The following MSANTD7 variants were observed in gnomAD, a reference collection of about 807,000 sequenced individuals.
MSANTD7 encodes the protein zinc finger and SCAN domain containing 29.
chr10:14,838,314 C>T, the MSANTD7 span: 1 of 1,344,064 alleles, frequency 7.4e-7, no homozygotes, highest in Non-Finnish European at 1.0e-6. Flanking sequence ...ACGTGAAGCT[C>T]CGCGGTGCCT....
the MSANTD7 span, chr10:14,838,719 G>T: frequency 2.1e-6 from 1 of 476,768 alleles, no homozygotes; most frequent in Non-Finnish European, 3.7e-6. Flanking sequence ...GCGGCGGGAT[G>T]CCCGGAGGGG....
the MSANTD7 span, chr10:14,842,457 C>T: frequency 6.5e-7 from 1 of 1,536,182 alleles, no homozygotes; most frequent in Non-Finnish European, 8.7e-7. The surrounding 1 kb of genome is among the most constrained non-coding windows in gnomAD (Gnocchi z 5.2). Context: ...TTCCGCCGCA[C>T]CGAACGTCAG....
the MSANTD7 span, among the ~76,000 whole-genome samples, chr10:14,839,565 C>T: frequency 6.8e-6 from 1 of 146,528 alleles, no homozygotes; most frequent in African/African-American, 2.5e-5. Flanking sequence ...AGCAAGACTC[C>T]GTGTCCAAAA....
chr10:14,839,573 A>G, the MSANTD7 span, among the ~76,000 whole-genome samples: 1 of 146,322 alleles, frequency 6.8e-6, no homozygotes, highest in Non-Finnish European at 1.5e-5. Flanking sequence ...TCCGTGTCCA[A>G]AAAAAAAAAA....
At chr10:14,841,119 T>TA in the MSANTD7 span, 1 of 152,346 alleles carries the variant, frequency 6.6e-6, no homozygotes, top group African/African-American at 2.4e-5. Context: ...TTCTGTCTCT[T>TA]ACCTGTGTTC....
the MSANTD7 span, chr10:14,838,421 C>A: frequency 1.2e-6 from 2 of 1,606,188 alleles, no homozygotes; most frequent in Admixed American, 1.7e-5. Flanking sequence ...CATCGGAGTT[C>A]ACCTGGGCTG....
chr10:14,845,623 T>C, the MSANTD7 span: 1 of 811,474 alleles, frequency 1.2e-6, no homozygotes, highest in African/African-American at 1.9e-5. Context: ...AGAAAAAGTC[T>C]CACTGTTTTG....
chr10:14,840,267 T>G, the MSANTD7 span: 1 of 452,282 alleles, frequency 2.2e-6, no homozygotes, highest in East Asian at 4.3e-5. Flanking sequence ...TTCATTGCTT[T>G]TTATGACTGA....
the MSANTD7 span, chr10:14,844,007 C>A: frequency 6.9e-7 from 1 of 1,459,826 alleles, no homozygotes; most frequent in Non-Finnish European, 9.0e-7. Context: ...ATGGATGAAC[C>A]ATTTATATCC....
chr10:14,845,658 A>G, the MSANTD7 span: 3 of 471,020 alleles, frequency 6.4e-6, no homozygotes, highest in Non-Finnish European at 8.3e-6. Flanking sequence ...CAGTGGTGCA[A>G]TCTTGGCTCA....
At chr10:14,838,927 G>A in the MSANTD7 span, among the ~76,000 whole-genome samples, 1 of 152,202 alleles carries the variant, frequency 6.6e-6, no homozygotes, top group African/African-American at 2.4e-5. Context: ...GAGGTCCTGG[G>A]AAAGTTGTGG....
At chr10:14,846,872 A>G in the MSANTD7 span, 3 of 985,300 alleles carry the variant, frequency 3.0e-6, no homozygotes, top group Non-Finnish European at 3.6e-6. Flanking sequence ...GTGATACACA[A>G]CCATAGGATT....
At chr10:14,840,851 C>T in the MSANTD7 span, among the ~76,000 whole-genome samples, 1 of 152,174 alleles carries the variant, frequency 6.6e-6, no homozygotes, top group African/African-American at 2.4e-5. Context: ...ATTCTCTCAA[C>T]ATCCTTGTAA....
At chr10:14,840,891 A>G in the MSANTD7 span, among the ~76,000 whole-genome samples, 1 of 152,176 alleles carries the variant, frequency 6.6e-6, no homozygotes. Context: ...ATCATTCCCC[A>G]TTTATAGATG....
chr10:14,844,469 C>G, the MSANTD7 span: 1 of 990,918 alleles, frequency 1.0e-6, no homozygotes, highest in South Asian at 4.5e-5. Context: ...TTTTAAAATC[C>G]CTGTGTGGCT....
chr10:14,840,069 T>A, the MSANTD7 span: 1 of 1,339,088 alleles, frequency 7.5e-7, no homozygotes, highest in Admixed American at 2.4e-5. Flanking sequence ...TTATTTTTTT[T>A]TTCAGATTGT....
At chr10:14,839,936 C>T in the MSANTD7 span, 1 of 1,612,474 alleles carries the variant, frequency 6.2e-7, no homozygotes, top group Admixed American at 1.7e-5. Context: ...GCAAATGATG[C>T]CGGTGACCGA....
At chr10:14,844,657 C>T in the MSANTD7 span, 1 of 982,186 alleles carries the variant, frequency 1.0e-6, no homozygotes, top group Non-Finnish European at 1.2e-6. Flanking sequence ...AGGGAGCCGC[C>T]ATTGTGTGTT....
At chr10:14,839,891 G>GT in the MSANTD7 span, 6 of 1,603,650 alleles carry the variant, frequency 3.7e-6, no homozygotes, top group Admixed American at 1.7e-5. Context: ...TGTATTTCGT[G>GT]TTTTTTTCTC....
Sources: allele counts gnomAD v4.1 joint callset (sites outside exome capture counted in the v4.1 genomes callset), GRCh38; gene constraint gnomAD v4.1.1; non-coding constraint Gnocchi (gnomAD v3.1); transcripts MANE v1.5; gene names NCBI Gene and HGNC (gene_info 2026-07-23, HGNC 2026-07-21).